DUOX1: variants seen among roughly 807,000 people sequenced by gnomAD.
DUOX1 encodes NADPH thyroid oxidase 1.
A neutral mutation model predicts 181.8 loss-of-function variants in DUOX1; 134 were observed. That is an observed-to-expected ratio of 0.74 (90% CI 0.64 to 0.85). DUOX1 has a LOEUF of 0.85. Ranked by LOEUF, DUOX1 falls within the 40% of genes least tolerant of loss-of-function variation. The pLI is 0.00. For missense variants in DUOX1, 1,814 were observed against 2,064.4 expected, an observed-to-expected ratio of 0.88 and a Z score of 2.35; for synonymous variants, 798 against 832.5, an observed-to-expected ratio of 0.96 and a Z score of 0.71.
Position 45,140,886 on chromosome 15 carries a change from T to A in DUOX1, c.1390-9T>A. ...CCTTTCTCTTACTTCTGCCCCTTCT[T>A]GGTTCCAGGTACTGGAGGCCACAGC... On this transcript the variant is annotated splice_polypyrimidine_tract_variant and intron_variant, in intron 12 of 33. Coordinates refer to ENST00000389037, the MANE Select transcript of DUOX1 (RefSeq NM_175940.3). The A allele has an allele frequency of 6.2e-7, 1 of 1,612,200 alleles. No individual in the cohort carries two copies. The highest frequency in any genetic ancestry group is 1.3e-5 in the African/African-American group (1 of 74,982).
intron 16 of DUOX1, 49 bp from the exon 17 acceptor site, chr15:45,143,987 G>C: frequency 6.3e-7 from 1 of 1,594,848 alleles, no homozygotes. Context: ...TCCTCCCAAT[G>C]TACCTCTGAT....
At chr15:45,151,522 A>G (rs1446707796) in intron 23 of DUOX1, among the ~76,000 whole-genome samples, 1 of 152,140 alleles carries the variant, frequency 6.6e-6, no homozygotes, top group Non-Finnish European at 1.5e-5. Context: ...GCCTTCATGG[A>G]AGAGGTGTCC....
rs138625831 is a variant in DUOX1, at chr15:45,163,554, G to A, written c.4271G>A (p.Arg1424Gln). 282 of 1,614,010 alleles carry A rather than the reference G, an allele frequency of 1.7e-4. 1 individual carries two copies. The highest frequency in any genetic ancestry group is 2.2e-4 in the Non-Finnish European group (259 of 1,180,024). ...CKKIYFIWVT[R>Q]TQRQFEWLAD... is the part of the protein sequence containing the mutation. ...CAGATCTACTTCATCTGGGTGACGC[G>A]GACCCAGCGTCAGTTTGAGTGGCTG... Residue 1424 changes from arginine (R) to glutamine (Q), a missense_variant, in exon 32 of 34, where the codon CGG (arginine) becomes CAG (glutamine). Arg to Gln is a conservative substitution (Grantham distance 43, BLOSUM62 1). This residue lies in a region of DUOX1 where 279 missense variants were observed against 381.9 expected (regional missense o/e 0.73). Transcript: ENST00000389037.
rs1740580357 is a variant in DUOX1, at chr15:45,164,794, G to T, written c.4549G>T (p.Val1517Leu). Residue 1517 changes from valine to leucine, a missense_variant, in exon 34 of 34, where the codon GTG becomes TTG. By Grantham distance (32) the Val-to-Leu change is conservative. Transcript: ENST00000389037. ...CCTGCAACAGGTCCGGAAGATCGGG[G>T]TGTTTAGCTGTGGCCCCCCTGGCAT... ...EVHPQVRKIG[V>L]FSCGPPGMTK... 1.9e-6 allele frequency: 3 copies of T among 1,614,152 alleles called. No homozygotes were observed. Among genetic ancestry groups the T allele is most frequent in the Non-Finnish European group, 2.5e-6 (3 of 1,180,022 alleles).
Position 45,141,985 on chromosome 15 carries a change from T to G in DUOX1, c.1695T>G (p.Cys565Trp). The change falls in exon 15 of 34, where the codon TGT (cysteine) becomes TGG (tryptophan). Residue 565 changes from cysteine (C) to tryptophan (W), a missense_variant. By Grantham distance (215) the Cys-to-Trp change is radical (BLOSUM62 -2). Coordinates refer to ENST00000389037, the MANE Select transcript of DUOX1 (RefSeq NM_175940.3). ...CCTCTGCCTTCCCAGGAGACCCCTG[T>G]CCGCAGCCGAGACAGCTCAGCACTG... ...NVFVWHKGDPCPQPRQLSTEG... is the reference protein window; with the variant it reads ...NVFVWHKGDPWPQPRQLSTEG... The G allele has an allele frequency of 6.2e-7, 1 of 1,611,972 alleles. No individual in the cohort carries two copies. Among genetic ancestry groups the G allele is most frequent in the Middle Eastern group, 1.9e-4 (1 of 5,380 alleles).
chr15:45,150,341 CAGTTCCCGAAATCTACCCCAT>C, intron 21 of DUOX1: 1 of 431,894 alleles, frequency 2.3e-6, no homozygotes, highest in Non-Finnish European at 4.2e-6. Context: ...AGGTTATATA[CAGTTCCCGAAATCTACCCCAT>C]AGTCCCAGAA....
chr15:45,143,151 C>T (rs960904394), intron 15 of DUOX1, 39 bp from the exon 16 acceptor site: 2 of 1,533,954 alleles, frequency 1.3e-6, no homozygotes, highest in African/African-American at 2.7e-5. Context: ...ATCCCCTAGA[C>T]CCCCACGTCT....
intron 15 of DUOX1, among the ~76,000 whole-genome samples, chr15:45,142,944 T>C (rs1896546407): frequency 6.6e-6 from 1 of 151,982 alleles, no homozygotes; most frequent in African/African-American, 2.4e-5. Context: ...ACTTAGTCTC[T>C]GGCCAGGAAG....
intron 10 of DUOX1, 64 bp downstream of exon 10, chr15:45,138,078 A>ATGTATGTG: frequency 1.8e-6 from 1 of 547,326 alleles, no homozygotes; most frequent in Non-Finnish European, 2.9e-6. Flanking sequence ...GTGTGTGTGT[A>ATGTATGTG]TGTGTGTGTG....
chr15:45,142,555 G>A (rs1896527223), intron 15 of DUOX1, among the ~76,000 whole-genome samples: 1 of 152,014 alleles, frequency 6.6e-6, no homozygotes, highest in African/African-American at 2.4e-5. Context: ...GAGAAACCAT[G>A]TCTCTCCTAA....
intron 22 of DUOX1, among the ~76,000 whole-genome samples, 189 bp downstream of exon 22, chr15:45,150,890 C>G (rs527553906): frequency 6.6e-6 from 1 of 152,190 alleles, no homozygotes; most frequent in Non-Finnish European, 1.5e-5. Flanking sequence ...GATTTCCGCT[C>G]TCACTTACGG....
In DUOX1 at chr15:45,144,208, G is replaced by T. The variant is rs748223276; in HGVS notation, c.2109G>T (p.Leu703=). Residue 703 remains leucine, a synonymous_variant, in exon 17 of 34, where the codon CTG becomes CTT. Coordinates refer to ENST00000389037, the MANE Select transcript of DUOX1 (RefSeq NM_175940.3). The stretch of plus-strand genomic sequence containing the variant: ...GCAACCGTGGACGCCGCACTCTGCT[G>T]CTCAAGATCCCCAAGGAGTATGACC... ...LSSNRGRRTL[L]LKIPKEYDLV... 2 of 1,614,078 alleles carry T rather than the reference G, an allele frequency of 1.2e-6. No individual in the cohort carries two copies. The highest frequency in any genetic ancestry group is 1.1e-5 in the South Asian group (1 of 91,092).
chr15:45,151,948 C>G lies in DUOX1; in HGVS notation c.3089C>G (p.Thr1030Arg). Residue 1030 changes from threonine to arginine, a missense_variant, in exon 24 of 34, where the codon ACG becomes AGG. Transcript: ENST00000389037. ...EKFQRSCLHQTVQQFKRFIEN... is the reference protein window; with the variant it reads ...EKFQRSCLHQRVQQFKRFIEN... ...TTCCAACGCAGCTGTCTCCACCAGA[C>G]GGTGCAACAGTTCAAGCGCTTCATT... The G allele has an allele frequency of 6.2e-7, 1 of 1,614,044 alleles. No individual in the cohort carries two copies. Among genetic ancestry groups the G allele is most frequent in the Non-Finnish European group, 8.5e-7 (1 of 1,180,020 alleles).
At chr15:45,146,612 G>C (rs967135624) in intron 18 of DUOX1, among the ~76,000 whole-genome samples, 2 of 152,216 alleles carry the variant, frequency 1.3e-5, no homozygotes, top group African/African-American at 4.8e-5. Flanking sequence ...CCAGGCAACC[G>C]AAGAGACTTG....
At chr15:45,130,407 T>G (rs1274669717) in intron 1 of DUOX1, among the ~76,000 whole-genome samples, 1 of 152,104 alleles carries the variant, frequency 6.6e-6, no homozygotes, top group African/African-American at 2.4e-5. Flanking sequence ...GCTTTGGGCT[T>G]TAGGATCCAA....
At position 45,141,373 on chromosome 15, in the gene DUOX1, C is replaced by G; in HGVS notation, c.1647C>G (p.Pro549=). 1 of 1,614,226 alleles carries G rather than the reference C, an allele frequency of 6.2e-7. No homozygotes were observed. Among genetic ancestry groups the G allele is most frequent in the South Asian group, 1.1e-5 (1 of 91,082 alleles). ...TGGTCGCTGTTATCAACATTGACCC[C>G]AGTGCTCTGCAGCCCAATGTCTTTG... is the stretch of plus-strand genomic sequence containing the variant. ...DVLVAVINID[P]SALQPNVFVW... Residue 549 remains proline (P), a synonymous_variant, in exon 14 of 34, where the codon CCC becomes CCG. Coordinates refer to ENST00000389037, the MANE Select transcript of DUOX1 (RefSeq NM_175940.3).
rs1194811394 is a variant in DUOX1 at position 45,164,980 on chromosome 15, C to T, written c.*79C>T. ...CACCTCACCTCTGTTCTTCCTATTT[C>T]TGGCTGCCTCAGCCTTCTCTGATTT... On this transcript the variant is annotated 3_prime_UTR_variant, in exon 34 of 34. Transcript: ENST00000389037. 2.0e-6 allele frequency: 3 copies of T among 1,516,434 alleles called. No homozygotes were observed. The highest frequency in any genetic ancestry group is 2.7e-6 in the Non-Finnish European group (3 of 1,101,400). 93.9% of individuals were successfully genotyped at this position (1,516,434 alleles called of 1,614,324 possible). A position where few individuals can be genotyped will look rare whatever the true frequency, so the allele number is the denominator to read the frequency against.
intron 18 of DUOX1, 122 bp downstream of exon 18, chr15:45,145,202 C>A: frequency 1.0e-6 from 1 of 969,710 alleles, no homozygotes; most frequent in Non-Finnish European, 1.5e-6. Context: ...AAGTCTATTG[C>A]AATTTTGGAT....
chr15:45,154,081 C>A, intron 27 of DUOX1, 81 bp downstream of exon 27: 1 of 1,308,478 alleles, frequency 7.6e-7, no homozygotes, highest in Non-Finnish European at 1.1e-6. Context: ...CCAGAGCAAC[C>A]CACGTTCACT....
Sources: allele counts gnomAD v4.1 joint callset (sites outside exome capture counted in the v4.1 genomes callset), GRCh38; gene constraint gnomAD v4.1.1; regional missense constraint gnomAD v4.1.1; transcripts MANE v1.5; gene names NCBI Gene and HGNC (gene_info 2026-07-23, HGNC 2026-07-21).